RPTOR: variants seen among roughly 807,000 people sequenced by gnomAD.
RPTOR encodes regulatory-associated protein of mTOR.
RPTOR carries 21 observed loss-of-function variants against 169.9 expected under a neutral mutation model. The observed-to-expected ratio is 0.12, with a 90% CI of 0.09 to 0.18. The LOEUF is 0.18. Among genes scored for constraint, RPTOR ranks in the 10% least tolerant of loss-of-function variants. The pLI, the probability that RPTOR is intolerant of heterozygous loss-of-function variation, is 1.00. For synonymous variants in RPTOR, 732 were observed against 753.2 expected, an observed-to-expected ratio of 0.97 and a Z score of 0.46; for missense variants, 1,133 against 1,855.9, an observed-to-expected ratio of 0.61 and a Z score of 7.16.
intron 3 of RPTOR, among the ~76,000 whole-genome samples, chr17:80,655,665 C>T (rs1301682033): frequency 6.6e-6 from 1 of 150,502 alleles, no homozygotes; most frequent in East Asian, 2.0e-4. Context: ...ACCTCGAATT[C>T]CTGGGCTGAA....
At chr17:80,922,161 G>T (rs1167482769) in intron 21 of RPTOR, among the ~76,000 whole-genome samples, 1 of 152,230 alleles carries the variant, frequency 6.6e-6, no homozygotes, top group African/African-American at 2.4e-5. Flanking sequence ...GTGCCCACCG[G>T]CCAGGTCCCG....
chr17:80,884,605 C>T (rs1033833480), intron 16 of RPTOR, among the ~76,000 whole-genome samples: 3 of 152,210 alleles, frequency 2.0e-5, no homozygotes, highest in African/African-American at 4.8e-5. Flanking sequence ...CCTGTGTGCT[C>T]AGTGCACTTC....
chr17:80,868,164 A>T (rs1452570855), intron 13 of RPTOR, among the ~76,000 whole-genome samples: 1 of 152,234 alleles, frequency 6.6e-6, no homozygotes, highest in Admixed American at 6.5e-5. Flanking sequence ...AGACTGGGAA[A>T]ATATTGACAA....
At chr17:80,681,931 C>T (rs961339314) in intron 3 of RPTOR, among the ~76,000 whole-genome samples, 8 of 151,890 alleles carry the variant, frequency 5.3e-5, no homozygotes, top group African/African-American at 9.7e-5. Flanking sequence ...AATATTCTCT[C>T]GGTGTATTAG....
chr17:80,730,779 G>GGGGGGC lies in RPTOR; in HGVS notation c.654+73_654+74insGGGGGC. ...TCCCTGGGGGTGGGGTTTGGGTGGG[G>GGGGGGC]AGGTTGGGAGGTGTTGGACATCCTC... On this transcript the variant is annotated intron_variant, in intron 5 of 33. Coordinates refer to ENST00000306801, the MANE Select transcript of RPTOR (RefSeq NM_020761.3). This position sits in a 1 kb window ranked among gnomAD's most constrained non-coding sequence, Gnocchi z 4.2. 2.1e-5 allele frequency: 13 copies of GGGGGGC among 628,100 alleles called. No homozygotes were observed. The highest frequency in any genetic ancestry group is 2.8e-5 in the Non-Finnish European group (10 of 353,480). The allele number at this position is 628,100 out of a possible 1,614,324, so 38.9% of individuals were successfully genotyped here.
intron 7 of RPTOR, among the ~76,000 whole-genome samples, chr17:80,799,818 C>G (rs927857730): frequency 2.0e-5 from 3 of 152,138 alleles, no homozygotes; most frequent in Non-Finnish European, 4.4e-5. Flanking sequence ...GAAGGATGGT[C>G]CTGAGTGCAG....
At position 80,878,840 on chromosome 17, in the gene RPTOR, G is replaced by A. The variant is rs1304328367; in HGVS notation, c.1510-1575G>A. ...CCTTCCAGAGCCAGCACTTGCAGAAGTGTCCCCAAGTTAGGCAGCCTGGTG... is the reference window on the plus strand; with the variant it reads ...CCTTCCAGAGCCAGCACTTGCAGAAATGTCCCCAAGTTAGGCAGCCTGGTG... On this transcript the variant is annotated intron_variant, in intron 13 of 33. Coordinates refer to ENST00000306801, the MANE Select transcript of RPTOR (RefSeq NM_020761.3). This position sits in a 1 kb window ranked among gnomAD's most constrained non-coding sequence, Gnocchi z 4.1. 6.6e-6 allele frequency among the ~76,000 whole-genome samples: 1 copy of A among 152,200 alleles called. No individual in the cohort carries two copies. The highest frequency in any genetic ancestry group is 1.5e-5 in the Non-Finnish European group (1 of 68,022).
chr17:80,658,484 TC>T (rs2065696586), intron 3 of RPTOR, among the ~76,000 whole-genome samples: 1 of 152,176 alleles, frequency 6.6e-6, no homozygotes, highest in African/African-American at 2.4e-5. Context: ...CTTTGAAAGT[TC>T]CCTCCCCGCA....
chr17:80,872,999 C>CG (rs71367020), intron 13 of RPTOR, among the ~76,000 whole-genome samples: 1 of 152,160 alleles, frequency 6.6e-6, no homozygotes, highest in Non-Finnish European at 1.5e-5. Context: ...GAGGAGGCCC[C>CG]GGGGGGGACC....
chr17:80,879,750 C>A (rs961544397), intron 13 of RPTOR, among the ~76,000 whole-genome samples: 3 of 152,182 alleles, frequency 2.0e-5, no homozygotes, highest in Non-Finnish European at 4.4e-5. Context: ...TAGGTCCTCA[C>A]GACTGAGGCG....
At chr17:80,749,527 T>G (rs1598279445) in intron 5 of RPTOR, among the ~76,000 whole-genome samples, 1 of 122,782 alleles carries the variant, frequency 8.1e-6, no homozygotes, top group East Asian at 2.5e-4. Flanking sequence ...ACCTGTTGGG[T>G]GGATGGAGGG....
chr17:80,860,481 C>G lies in RPTOR; in HGVS notation c.1509+2581C>G, dbSNP rs1226438879. On this transcript the variant is annotated intron_variant, in intron 13 of 33. Coordinates refer to ENST00000306801, the MANE Select transcript of RPTOR (RefSeq NM_020761.3). This position sits in a 1 kb window ranked among gnomAD's most constrained non-coding sequence, Gnocchi z 5.8. ...GTGCTGCCCACGGACCCCTGGGCCC[C>G]TGCTCAGCCCTTCTGCTCCCTGCAC... Among the ~76,000 whole-genome samples, 3 of 152,188 alleles carry G rather than the reference C, an allele frequency of 2.0e-5. No individual in the cohort carries two copies. Among genetic ancestry groups the G allele is most frequent in the African/African-American group, 7.2e-5 (3 of 41,446 alleles).
intron 6 of RPTOR, among the ~76,000 whole-genome samples, chr17:80,773,384 G>C (rs909984412): frequency 2.0e-5 from 3 of 152,222 alleles, no homozygotes; most frequent in Non-Finnish European, 4.4e-5. Flanking sequence ...TATCCACGTT[G>C]GTTGTTGAAG....
In RPTOR at chr17:80,820,218, G is replaced by C. The variant is rs181639304; in HGVS notation, c.891-1983G>C. Among the ~76,000 whole-genome samples the C allele has an allele frequency of 6.6e-6, 1 of 151,198 alleles. No individual in the cohort carries two copies. The highest frequency in any genetic ancestry group is 1.5e-5 in the Non-Finnish European group (1 of 67,776). On this transcript the variant is annotated intron_variant, in intron 7 of 33. Transcript: ENST00000306801. This position sits in a 1 kb window ranked among gnomAD's most constrained non-coding sequence, Gnocchi z 4.1. Reference sequence around the variant, plus strand: ...GGCTTTGGTAAGGAGGGCAGGCAGCGCTCGGTGACAGTCCTGCAGCTTGAA... The same window carrying C: ...GGCTTTGGTAAGGAGGGCAGGCAGCCCTCGGTGACAGTCCTGCAGCTTGAA...
chr17:80,657,020 A>AT (rs2065684952), intron 3 of RPTOR, among the ~76,000 whole-genome samples: 1 of 152,206 alleles, frequency 6.6e-6, no homozygotes, highest in African/African-American at 2.4e-5. Flanking sequence ...TTTTAATCCA[A>AT]TTTCTCAGCG....
At chr17:80,874,223 A>G (rs1219058901) in intron 13 of RPTOR, among the ~76,000 whole-genome samples, 17 of 150,260 alleles carry the variant, frequency 1.1e-4, no homozygotes, top group African/African-American at 3.4e-4. Flanking sequence ...TTTTTTAGAC[A>G]GTCTTGCTCT....
intron 1 of RPTOR, among the ~76,000 whole-genome samples, chr17:80,582,322 G>C (rs1436794238): frequency 2.6e-5 from 4 of 152,138 alleles, no homozygotes; most frequent in Non-Finnish European, 5.9e-5. Flanking sequence ...AAGAATGCGT[G>C]TGTACTGTGA....
In RPTOR at chr17:80,860,131, C is replaced by T. The variant is rs1221096336; in HGVS notation, c.1509+2231C>T. Among the ~76,000 whole-genome samples the T allele has an allele frequency of 2.0e-5, 3 of 152,196 alleles. No homozygotes were observed. Among genetic ancestry groups the T allele is most frequent in the Non-Finnish European group, 4.4e-5 (3 of 68,016 alleles). ...AGCCCCCGGGGCTCCTGCCTGCTGC[C>T]CGGCGCTCCCCAGGCCACATTCTGT... is the stretch of plus-strand genomic sequence containing the variant. On this transcript the variant is annotated intron_variant, in intron 13 of 33. Coordinates refer to ENST00000306801, the MANE Select transcript of RPTOR (RefSeq NM_020761.3). The surrounding 1 kb of genome is among the most constrained non-coding windows in gnomAD (Gnocchi z 5.8).
Position 80,800,963 on chromosome 17 carries a change from T to C in RPTOR, c.890+9454T>C, listed in dbSNP as rs143133276. Among the ~76,000 whole-genome samples, 96 of 152,362 alleles carry C rather than the reference T, an allele frequency of 6.3e-4. No individual in the cohort carries two copies. In the South Asian group the frequency reaches 0.014, roughly 22 times the overall value. The stretch of plus-strand genomic sequence containing the variant: ...CTCTGTGTGCTGCTGCTTCCGAGGC[T>C]CTGGTAGCACGGCTGCCCCGTGTGG... On this transcript the variant is annotated intron_variant, in intron 7 of 33. Coordinates refer to ENST00000306801, the MANE Select transcript of RPTOR (RefSeq NM_020761.3).
Sources: allele counts gnomAD v4.1 joint callset (sites outside exome capture counted in the v4.1 genomes callset), GRCh38; gene constraint gnomAD v4.1.1; non-coding constraint Gnocchi (gnomAD v3.1); transcripts MANE v1.5; gene names NCBI Gene and HGNC (gene_info 2026-07-23, HGNC 2026-07-21).